The following ATP9B variants were observed in gnomAD, a reference collection of about 807,000 sequenced individuals.
ATP9B encodes ATPase phospholipid transporting 9B, also known as probable phospholipid-transporting ATPase IIB.
In ATP9B, 110 loss-of-function variants were observed where a neutral mutation model predicts 146.1. That is an observed-to-expected ratio of 0.75 (90% CI 0.65 to 0.88). ATP9B has a LOEUF of 0.88. Among genes scored for constraint, ATP9B ranks in the 40% least tolerant of loss-of-function variants. The pLI is 0.00. For synonymous variants in ATP9B, 604 were observed against 569.7 expected, an observed-to-expected ratio of 1.06 and a Z score of -0.86; for missense variants, 1,499 against 1,496.4, an observed-to-expected ratio of 1.00 and a Z score of -0.03.
chr18:79,075,916 T>A (rs1830141796), intron 1 of ATP9B, among the ~76,000 whole-genome samples: 1 of 152,264 alleles, frequency 6.6e-6, no homozygotes, highest in Non-Finnish European at 1.5e-5. Context: ...ATAGCGTTCT[T>A]CAGTGTATTT....
chr18:79,355,953 G>A (rs2096949994), intron 25 of ATP9B, among the ~76,000 whole-genome samples: 2 of 152,182 alleles, frequency 1.3e-5, no homozygotes, highest in African/African-American at 2.4e-5. Context: ...TCATGGGCAC[G>A]GCACACTGCA....
intron 1 of ATP9B, among the ~76,000 whole-genome samples, chr18:79,090,596 C>A (rs13313588): frequency 6.6e-6 from 1 of 152,166 alleles, no homozygotes; most frequent in Non-Finnish European, 1.5e-5. Context: ...CTATTCGGAT[C>A]TTTTGCCCAT....
intron 6 of ATP9B, among the ~76,000 whole-genome samples, chr18:79,148,709 G>T (rs902027611): frequency 2.6e-5 from 4 of 152,276 alleles, no homozygotes; most frequent in African/African-American, 9.6e-5. Flanking sequence ...CTTCTAGTCT[G>T]TAAGGCAAGA....
chr18:79,329,433 T>G (rs923112771), intron 16 of ATP9B, 131 bp downstream of exon 16: 1 of 1,100,272 alleles, frequency 9.1e-7, no homozygotes, highest in Admixed American at 3.2e-5. Context: ...TTTGTTTGTT[T>G]TTTTTTTTTA....
At position 79,345,791 on chromosome 18, in the gene ATP9B, T is replaced by C. The variant is rs747918452; in HGVS notation, c.2634T>C (p.Asp878=). The part of the protein sequence containing the change: ...RTCAIGDGGN[D]VSMIQAADCG... Reference sequence around the variant, plus strand: ...GCTTCGCAGGTGATGGAGGAAATGATGTCAGCATGATTCAGGCAGCAGACT... The same window carrying C: ...GCTTCGCAGGTGATGGAGGAAATGACGTCAGCATGATTCAGGCAGCAGACT... Residue 878 remains aspartate (D), a synonymous_variant, in exon 23 of 30, where the codon GAT becomes GAC. Coordinates refer to ENST00000426216, the MANE Select transcript of ATP9B (RefSeq NM_198531.5). 10 of 1,614,144 alleles carry C rather than the reference T, an allele frequency of 6.2e-6. No homozygotes were observed. The highest frequency in any genetic ancestry group is 8.5e-6 in the Non-Finnish European group (10 of 1,180,062).
intron 17 of ATP9B, among the ~76,000 whole-genome samples, chr18:79,330,664 C>T (rs7238521): frequency 8.6e-5 from 13 of 152,008 alleles, no homozygotes; most frequent in Non-Finnish European, 1.8e-4. Flanking sequence ...CCGCCCGTGT[C>T]GGCCTCCCAA....
rs534775916 is a variant in ATP9B, at chr18:79,175,964, C to T, written c.779-849C>T. ...AATTCTCTCTCCTCCCTCCCTTGTT[C>T]TTAACTATAATGTATTTTTCTATAT... On this transcript the variant is annotated intron_variant, in intron 7 of 29. Coordinates refer to ENST00000426216, the MANE Select transcript of ATP9B (RefSeq NM_198531.5). Among the ~76,000 whole-genome samples the T allele has an allele frequency of 5.9e-5, 9 of 152,304 alleles. No homozygotes were observed. The South Asian group carries it at 1.9e-3, about 32-fold the overall frequency.
intron 15 of ATP9B, among the ~76,000 whole-genome samples, chr18:79,315,053 G>T (rs2096672024): frequency 6.6e-6 from 1 of 152,204 alleles, no homozygotes; most frequent in Admixed American, 6.5e-5. Context: ...TTTTCCCTCT[G>T]TGGCTGTGTT....
At chr18:79,223,084 C>T (rs1029772549) in intron 11 of ATP9B, among the ~76,000 whole-genome samples, 8 of 152,102 alleles carry the variant, frequency 5.3e-5, no homozygotes, top group Admixed American at 6.5e-5. Flanking sequence ...TAAAAAGATG[C>T]TTTCAGATGT....
rs114872378 is a variant in ATP9B at position 79,338,565 on chromosome 18, G to T, written c.2283+1116G>T. Among the ~76,000 whole-genome samples, 989 of 152,252 alleles carry T rather than the reference G, an allele frequency of 6.5e-3. 5 individuals carry two copies. The highest frequency in any genetic ancestry group is 0.022 in the African/African-American group (926 of 41,544). ...CGAGTGTTTATCTTGGATGGGAGAG[G>T]TTAGGCATCCTGACCATCCTTCTTG... is the stretch of plus-strand genomic sequence containing the variant. On this transcript the variant is annotated intron_variant, in intron 19 of 29. Transcript: ENST00000426216.
intron 1 of ATP9B, among the ~76,000 whole-genome samples, chr18:79,092,891 A>G (rs1444828964): frequency 6.6e-6 from 1 of 152,196 alleles, no homozygotes; most frequent in Non-Finnish European, 1.5e-5. Context: ...CTGATCTAAA[A>G]TAATAATGAT....
intron 11 of ATP9B, among the ~76,000 whole-genome samples, chr18:79,236,379 C>T (rs1000667533): frequency 6.6e-6 from 1 of 152,030 alleles, no homozygotes; most frequent in Non-Finnish European, 1.5e-5. Flanking sequence ...TTTGTATATC[C>T]GGGTTATTTT....
At chr18:79,188,048 CCCCTTTTCTGAAA>C (rs1169681111) in intron 8 of ATP9B, among the ~76,000 whole-genome samples, 1 of 152,050 alleles carries the variant, frequency 6.6e-6, no homozygotes, top group African/African-American at 2.4e-5. Flanking sequence ...AGCTGTGCTA[CCCCTTTTCTGAAA>C]GGATTATTGG....
At chr18:79,272,881 G>A (rs1236370727) in intron 12 of ATP9B, among the ~76,000 whole-genome samples, 1 of 152,206 alleles carries the variant, frequency 6.6e-6, no homozygotes, top group Non-Finnish European at 1.5e-5. Flanking sequence ...AAGAAGGTTT[G>A]AAAATTAGGA....
chr18:79,374,171 C>T, intron 28 of ATP9B, 70 bp downstream of exon 28: 2 of 1,490,156 alleles, frequency 1.3e-6, no homozygotes, highest in South Asian at 1.2e-5. Flanking sequence ...CTTATTGTTG[C>T]TTCTGAATAC....
In ATP9B at chr18:79,174,700, A is replaced by G. The variant is rs143550143; in HGVS notation, c.779-2113A>G. On this transcript the variant is annotated intron_variant, in intron 7 of 29. Coordinates refer to ENST00000426216, the MANE Select transcript of ATP9B (RefSeq NM_198531.5). ...GTTATTAATTAATACATTCCTTTAT[A>G]TCCTGTATTTTTGTTAACTGGTAGG... 1.6e-3 allele frequency among the ~76,000 whole-genome samples: 239 copies of G among 152,260 alleles called. 2 individuals are homozygous for G. Among genetic ancestry groups the G allele is most frequent in the Non-Finnish European group, 2.8e-3 (188 of 68,022 alleles).
At chr18:79,281,425 A>G (rs894344339) in intron 13 of ATP9B, among the ~76,000 whole-genome samples, 2 of 152,092 alleles carry the variant, frequency 1.3e-5, no homozygotes, top group Non-Finnish European at 2.9e-5. Flanking sequence ...TGAACCTAGG[A>G]GGCGGAGATC....
At chr18:79,127,325 C>T (rs778079771) in intron 5 of ATP9B, among the ~76,000 whole-genome samples, 56 of 152,210 alleles carry the variant, frequency 3.7e-4, no homozygotes, top group Non-Finnish European at 6.3e-4. Context: ...TCAGAAGGAG[C>T]CCTGAATACA....
intron 6 of ATP9B, chr18:79,146,676 T>G (rs2094596134): frequency 4.2e-6 from 1 of 239,360 alleles, no homozygotes; most frequent in African/African-American, 2.3e-5. Flanking sequence ...ATTCGGAGTG[T>G]TCTCATCTGT....
Sources: gnomAD v4.1 joint callset for allele counts (sites outside exome capture counted in the v4.1 genomes callset) on GRCh38, gnomAD v4.1.1 for gene constraint, MANE v1.5 for transcripts, NCBI Gene and HGNC (gene_info 2026-07-23, HGNC 2026-07-21) for gene names.